The following MGAM2 variants were observed in gnomAD, a reference collection of about 807,000 sequenced individuals.
MGAM2 encodes the protein probable maltase-glucoamylase 2.
MGAM2 carries 98 observed loss-of-function variants against 96.1 expected under a neutral mutation model. The ratio of observed to expected loss-of-function variants is 1.02; its 90% confidence interval spans 0.87 to 1.21. The LOEUF (loss-of-function observed/expected upper bound fraction) is 1.21, where lower values mean the gene tolerates loss of function less well. Among genes scored for constraint, MGAM2 ranks in the 50% most tolerant of loss-of-function variants. MGAM2 has a pLI of 0.00. For missense variants in MGAM2, 2,055 were observed against 1,182.4 expected (o/e 1.74, Z -10.82); for synonymous variants, 749 against 414.8 (o/e 1.81, Z -9.79).
intron 20 of MGAM2, among the ~76,000 whole-genome samples, chr7:142,159,873 G>C (rs1795837774): frequency 6.6e-6 from 1 of 152,144 alleles, no homozygotes; most frequent in Admixed American, 6.5e-5. Context: ...TCAAGACTGG[G>C]CTTTGTCATT....
intron 3 of MGAM2, 134 bp downstream of exon 3, chr7:142,120,515 T>G: frequency 1.8e-6 from 1 of 551,878 alleles, no homozygotes; most frequent in Non-Finnish European, 3.2e-6. Context: ...CTTTCTTATC[T>G]TATTGAAATA....
intron 3 of MGAM2, among the ~76,000 whole-genome samples, chr7:142,121,697 C>T (rs1167927804): frequency 6.7e-6 from 1 of 149,602 alleles, no homozygotes; most frequent in Non-Finnish European, 1.5e-5. Context: ...ATTATGTTTA[C>T]ACAGTATATT....
chr7:142,126,668 T>A (rs998792225), intron 3 of MGAM2, among the ~76,000 whole-genome samples: 2 of 152,172 alleles, frequency 1.3e-5, no homozygotes, highest in Non-Finnish European at 2.9e-5. Context: ...AGTTTTCTCA[T>A]GATTCTTACT....
intron 47 of MGAM2, 129 bp from the exon 48 acceptor site, chr7:142,219,741 A>C (rs887044635): frequency 1.7e-6 from 1 of 595,208 alleles, no homozygotes; most frequent in African/African-American, 1.9e-5. Flanking sequence ...CCAAAAAGGA[A>C]TGTTTATATC....
Position 142,198,192 on chromosome 7 carries a change from C to A in MGAM2, c.4920C>A (p.Ser1640Arg). 1.4e-6 allele frequency: 1 copy of A among 702,840 alleles called. No homozygotes were observed. The highest frequency in any genetic ancestry group is 2.6e-6 in the Non-Finnish European group (1 of 384,864). 43.5% of individuals were successfully genotyped at this position (702,840 alleles called of 1,614,324 possible). A position where few individuals can be genotyped will look rare whatever the true frequency, so the allele number is the denominator to read the frequency against. ...CGAGAGCCCGTTGGTATGACTATAGCACGGTAAGAACTAATATATTTGTGA... is the reference window on the plus strand; with the variant it reads ...CGAGAGCCCGTTGGTATGACTATAGAACGGTAAGAACTAATATATTTGTGA... ...YFPRARWYDYSTGTSSTSTGQ... is the reference protein window; with the variant it reads ...YFPRARWYDYRTGTSSTSTGQ... Residue 1640 changes from serine to arginine, a missense_variant, in exon 43 of 48, where the codon AGC becomes AGA. Coordinates refer to ENST00000477922, the MANE Select transcript of MGAM2 (RefSeq NM_001293626.2).
At position 142,199,877 on chromosome 7, in the gene MGAM2, T is replaced by A; in HGVS notation, c.5049-3T>A. ...AAATAACTCTTTTTTTTTTTTTTGG[T>A]AGTCGACAAAATTTTATGGGATTGA... is the stretch of plus-strand genomic sequence containing the variant. On this transcript the variant is annotated splice_polypyrimidine_tract_variant and splice_region_variant and intron_variant, in intron 44 of 47. Coordinates refer to ENST00000477922, the MANE Select transcript of MGAM2 (RefSeq NM_001293626.2). The A allele has an allele frequency of 1.5e-6, 1 of 653,602 alleles. No homozygotes were observed. The allele number at this position is 653,602 out of a possible 1,614,324, so 40.5% of individuals were successfully genotyped here.
intron 12 of MGAM2, among the ~76,000 whole-genome samples, chr7:142,143,111 T>C (rs1043632808): frequency 2.0e-5 from 3 of 152,238 alleles, no homozygotes; most frequent in African/African-American, 7.2e-5. Flanking sequence ...AGTGTAAAGT[T>C]GTTCCTAAAT....
intron 37 of MGAM2, among the ~76,000 whole-genome samples, chr7:142,190,113 T>A (rs1796823812): frequency 6.6e-6 from 1 of 152,056 alleles, no homozygotes; most frequent in Non-Finnish European, 1.5e-5. Flanking sequence ...TGAGTAGTGA[T>A]TATGTGAATA....
Position 142,118,150 on chromosome 7 carries a change from G to T in MGAM2, c.106+1171G>T, listed in dbSNP as rs552855586. Among the ~76,000 whole-genome samples, 833 of 150,628 alleles carry T rather than the reference G, an allele frequency of 5.5e-3. 9 individuals are homozygous for T. The highest frequency in any genetic ancestry group is 6.8e-3 in the Middle Eastern group (2 of 294). ...TCGCATAACTGAAATGTTATACTGG[G>T]GATTAGCAACTCCGCACTCCCTCTT... On this transcript the variant is annotated intron_variant, in intron 2 of 47. Coordinates refer to ENST00000477922, the MANE Select transcript of MGAM2 (RefSeq NM_001293626.2).
At position 142,219,920 on chromosome 7, in the gene MGAM2, T is replaced by C. The variant is rs1226037468; in HGVS notation, c.5409T>C (p.Thr1803=). The stretch of plus-strand genomic sequence containing the variant: ...AGACTATCAACCTGGAAAAGTTAAC[T>C]GAGGTTACTTGGATTGATGGTGGTC... The part of the protein sequence containing the change: ...TDKTINLEKL[T]EVTWIDGGPV... The change falls in exon 48 of 48, where the codon ACT becomes ACC. Residue 1803 remains threonine, a synonymous_variant. Coordinates refer to ENST00000477922, the MANE Select transcript of MGAM2 (RefSeq NM_001293626.2). 1 of 702,634 alleles carries C rather than the reference T, an allele frequency of 1.4e-6. No individual in the cohort carries two copies. The highest frequency in any genetic ancestry group is 2.6e-6 in the Non-Finnish European group (1 of 384,844). The allele number at this position is 702,634 out of a possible 1,614,324, so 43.5% of individuals were successfully genotyped here.
chr7:142,210,061 G>T (rs911240312), intron 46 of MGAM2, among the ~76,000 whole-genome samples: 1 of 152,168 alleles, frequency 6.6e-6, no homozygotes, highest in Non-Finnish European at 1.5e-5. Flanking sequence ...CACAGAGGGC[G>T]AGGAGAAGCA....
intron 46 of MGAM2, among the ~76,000 whole-genome samples, chr7:142,212,830 C>A (rs1797630718): frequency 6.6e-6 from 1 of 152,124 alleles, no homozygotes; most frequent in Non-Finnish European, 1.5e-5. Flanking sequence ...CTGGACCAAG[C>A]AGATGTAATA....
intron 28 of MGAM2, 25 bp downstream of exon 28, chr7:142,171,465 C>T: frequency 1.4e-6 from 1 of 699,318 alleles, no homozygotes; most frequent in Non-Finnish European, 2.6e-6. Context: ...ATAAGTTTAG[C>T]AATCAGTTTC....
At chr7:142,139,258 G>A (rs1795146810) in intron 10 of MGAM2, among the ~76,000 whole-genome samples, 1 of 152,178 alleles carries the variant, frequency 6.6e-6, no homozygotes, top group Non-Finnish European at 1.5e-5. Flanking sequence ...ATTATTAAGT[G>A]TGTAATATTT....
chr7:142,194,696 A>ATGTGTGTG (rs72262078), intron 37 of MGAM2, among the ~76,000 whole-genome samples: 242 of 138,454 alleles, frequency 1.7e-3, no homozygotes, highest in African/African-American at 5.7e-3. Context: ...ACATGTGTGT[A>ATGTGTGTG]TGTGTGTGTG....
chr7:142,157,124 TA>T (rs1795758174), intron 17 of MGAM2, among the ~76,000 whole-genome samples: 1 of 152,204 alleles, frequency 6.6e-6, no homozygotes, highest in Non-Finnish European at 1.5e-5. Flanking sequence ...CAAAAAATGT[TA>T]AAATTAAAAT....
Position 142,199,873 on chromosome 7 carries a change from T to TG in MGAM2, c.5049-7_5049-6insG, listed in dbSNP as rs1287995465. On this transcript the variant is annotated splice_polypyrimidine_tract_variant and splice_region_variant and intron_variant, in intron 44 of 47. Coordinates refer to ENST00000477922, the MANE Select transcript of MGAM2 (RefSeq NM_001293626.2). ...AGAAAAATAACTCTTTTTTTTTTTT[T>TG]TGGTAGTCGACAAAATTTTATGGGA... 3 of 679,280 alleles carry TG rather than the reference T, an allele frequency of 4.4e-6. No individual in the cohort carries two copies. The highest frequency in any genetic ancestry group is 2.4e-4 in the Middle Eastern group (1 of 4,222). 42.1% of individuals were successfully genotyped at this position (679,280 alleles called of 1,614,324 possible).
At chr7:142,140,123 C>A (rs1254111062) in intron 10 of MGAM2, among the ~76,000 whole-genome samples, 1 of 152,064 alleles carries the variant, frequency 6.6e-6, no homozygotes, top group Non-Finnish European at 1.5e-5. Context: ...AGGAAGGTGG[C>A]AGATTGGGGA....
chr7:142,131,953 G>A lies in MGAM2; in HGVS notation c.443G>A (p.Arg148His), dbSNP rs1488441147. 3 of 702,508 alleles carry A rather than the reference G, an allele frequency of 4.3e-6. No individual in the cohort carries two copies. Among genetic ancestry groups the A allele is most frequent in the East Asian group, 2.7e-5 (1 of 37,268 alleles). The allele number at this position is 702,508 out of a possible 1,614,324, so 43.5% of individuals were successfully genotyped here. ...HFKITDFNNI[R>H]YEVSHENINL... ...CAGATCACTGACTTTAATAACATAC[G>A]CTATGAAGTTTCCCATGAAAATATT... The change falls in exon 6 of 48, where the codon CGC (arginine) becomes CAC (histidine). Residue 148 changes from arginine to histidine, a missense_variant. Physicochemically the swap from Arg to His is conservative, Grantham distance 29. Coordinates refer to ENST00000477922, the MANE Select transcript of MGAM2 (RefSeq NM_001293626.2).
Sources: allele counts gnomAD v4.1 joint callset (sites outside exome capture counted in the v4.1 genomes callset), GRCh38; gene constraint gnomAD v4.1.1; transcripts MANE v1.5; gene names NCBI Gene and HGNC (gene_info 2026-07-23, HGNC 2026-07-21).